The following TMEM65 variants were observed in gnomAD, a reference collection of about 807,000 sequenced individuals.
TMEM65 encodes the protein transmembrane protein 65.
In TMEM65, 22 loss-of-function variants were observed where a neutral mutation model predicts 25.4. That is an observed-to-expected ratio of 0.86 (90% CI 0.62 to 1.23). The LOEUF is 1.23. Among genes scored for constraint, TMEM65 ranks in the 50% most tolerant of loss-of-function variants. TMEM65 has a pLI of 0.00. For synonymous variants in TMEM65, 132 were observed against 126.2 expected, an observed-to-expected ratio of 1.05 and a Z score of -0.31; for missense variants, 262 against 308.2, an observed-to-expected ratio of 0.85 and a Z score of 1.12.
At chr8:124,333,489 G>GTGTC (rs1390185638) in intron 1 of TMEM65, among the ~76,000 whole-genome samples, 2 of 151,604 alleles carry the variant, frequency 1.3e-5, no homozygotes, top group African/African-American at 4.8e-5. Flanking sequence ...GTGTGTGTGT[G>GTGTC]TGTGTGTGTC....
chr8:124,347,216 A>T (rs984669618), intron 1 of TMEM65, among the ~76,000 whole-genome samples: 1 of 152,198 alleles, frequency 6.6e-6, no homozygotes, highest in African/African-American at 2.4e-5. Flanking sequence ...ATTTTAATTA[A>T]CCTGTCTTTT....
chr8:124,309,829 C>A lies in TMEM65; in HGVS notation c.*4131G>T, dbSNP rs111572680. ...ACTTTGGGAGGCCGAGACAGGTGGACCACCTGAGGTCAGGAGTCTGAGGCC... is the reference window on the plus strand; with the variant it reads ...ACTTTGGGAGGCCGAGACAGGTGGAACACCTGAGGTCAGGAGTCTGAGGCC... On this transcript the variant is annotated 3_prime_UTR_variant, in exon 7 of 7. Transcript: ENST00000297632. 3.3e-5 allele frequency: 5 copies of A among 152,068 alleles called. No homozygotes were observed. The highest frequency in any genetic ancestry group is 1.3e-4 in the Admixed American group (2 of 15,260). The allele number at this position is 152,068 out of a possible 1,614,324, so 9.4% of individuals were successfully genotyped here.
At chr8:124,324,558 G>A (rs1423932915) in intron 3 of TMEM65, among the ~76,000 whole-genome samples, 1 of 152,010 alleles carries the variant, frequency 6.6e-6, no homozygotes, top group Non-Finnish European at 1.5e-5. Context: ...CAAAAAAACT[G>A]GAGCACCAAT....
In TMEM65 at chr8:124,371,724, C is replaced by T. The variant is rs981700248; in HGVS notation, c.304+130G>A. 504 of 919,576 alleles carry T rather than the reference C, an allele frequency of 5.5e-4. 1 individual carries two copies. The highest frequency in any genetic ancestry group is 6.9e-4 in the Non-Finnish European group (461 of 666,096). The allele number at this position is 919,576 out of a possible 1,614,324, so 57.0% of individuals were successfully genotyped here. ...CAGCCGTCCCAGGCGTGGGGCCAGACAGGCGAGGGGGGCGGAAGGGGGGCG... is the reference window on the plus strand; with the variant it reads ...CAGCCGTCCCAGGCGTGGGGCCAGATAGGCGAGGGGGGCGGAAGGGGGGCG... On this transcript the variant is annotated intron_variant, in intron 1 of 6. Coordinates refer to ENST00000297632, the MANE Select transcript of TMEM65 (RefSeq NM_194291.3).
chr8:124,361,838 A>C (rs1052821442), intron 1 of TMEM65, among the ~76,000 whole-genome samples: 7 of 152,032 alleles, frequency 4.6e-5, no homozygotes, highest in African/African-American at 1.7e-4. Context: ...TCCATCTCAA[A>C]AAAATAAAAA....
chr8:124,328,720 G>A, intron 2 of TMEM65, among the ~76,000 whole-genome samples: 1 of 152,094 alleles, frequency 6.6e-6, no homozygotes, highest in East Asian at 1.9e-4. Context: ...ACATTAAAAT[G>A]CTGAGTTTTG....
At chr8:124,369,347 T>C (rs1418999003) in intron 1 of TMEM65, among the ~76,000 whole-genome samples, 2 of 152,162 alleles carry the variant, frequency 1.3e-5, no homozygotes, top group Non-Finnish European at 2.9e-5. Flanking sequence ...CTGATAAACA[T>C]ATAAGAAAGA....
At chr8:124,329,454 A>G (rs1814406089) in intron 2 of TMEM65, among the ~76,000 whole-genome samples, 1 of 151,978 alleles carries the variant, frequency 6.6e-6, no homozygotes, top group Admixed American at 6.6e-5. Flanking sequence ...TAGCATCTCT[A>G]AAACTGGCCA....
intron 1 of TMEM65, among the ~76,000 whole-genome samples, chr8:124,361,751 G>C (rs1377501604): frequency 1.3e-5 from 2 of 151,904 alleles, no homozygotes; most frequent in African/African-American, 4.8e-5. Context: ...CAGGAGAATT[G>C]CTTGAACCCG....
rs760131466 is a variant in TMEM65 at position 124,314,106 on chromosome 8, A to T, written c.622-45T>A. On this transcript the variant is annotated intron_variant, in intron 6 of 6. Transcript: ENST00000297632. ...CATTTTTAAAGTTACTTTATCTCTGATAACAAGAAGGCAGAGAAAAAATCT... is the reference window on the plus strand; with the variant it reads ...CATTTTTAAAGTTACTTTATCTCTGTTAACAAGAAGGCAGAGAAAAAATCT... 4 of 1,507,420 alleles carry T rather than the reference A, an allele frequency of 2.7e-6. No homozygotes were observed. In the East Asian group the frequency reaches 9.1e-5, roughly 34 times the overall value. 93.4% of individuals were successfully genotyped at this position (1,507,420 alleles called of 1,614,324 possible).
chr8:124,310,501 C>T lies in TMEM65; in HGVS notation c.*3459G>A, dbSNP rs1057324274. 4.6e-5 allele frequency: 7 copies of T among 152,086 alleles called. No individual in the cohort carries two copies. The highest frequency in any genetic ancestry group is 7.4e-5 in the Non-Finnish European group (5 of 68,016). The allele number at this position is 152,086 out of a possible 1,614,324, so 9.4% of individuals were successfully genotyped here. On this transcript the variant is annotated 3_prime_UTR_variant, in exon 7 of 7. Coordinates refer to ENST00000297632, the MANE Select transcript of TMEM65 (RefSeq NM_194291.3). ...AAAATAGGATTCCAGTCCACTTATTCGTAGTGGCAAACTAACCTCTTCATG... is the reference window on the plus strand; with the variant it reads ...AAAATAGGATTCCAGTCCACTTATTTGTAGTGGCAAACTAACCTCTTCATG...
chr8:124,317,987 T>A (rs908050350), intron 6 of TMEM65, among the ~76,000 whole-genome samples: 1 of 152,108 alleles, frequency 6.6e-6, no homozygotes, highest in African/African-American at 2.4e-5. Flanking sequence ...ACACTAACGA[T>A]AGCTGATAAG....
chr8:124,335,056 A>C lies in TMEM65; in HGVS notation c.305-4264T>G, dbSNP rs543856348. Reference sequence around the variant, plus strand: ...AACTCTTTGAATAAATAATGGCTACAAATTTCCCAAATTTAGTGCAAGACA... The same window carrying C: ...AACTCTTTGAATAAATAATGGCTACCAATTTCCCAAATTTAGTGCAAGACA... On this transcript the variant is annotated intron_variant, in intron 1 of 6. Transcript: ENST00000297632. Among the ~76,000 whole-genome samples, 5 of 152,294 alleles carry C rather than the reference A, an allele frequency of 3.3e-5. No individual in the cohort carries two copies. The East Asian group carries it at 9.6e-4, about 29-fold the overall frequency.
chr8:124,367,648 T>C (rs1387747769), intron 1 of TMEM65, among the ~76,000 whole-genome samples: 2 of 152,208 alleles, frequency 1.3e-5, no homozygotes, highest in East Asian at 3.8e-4. Flanking sequence ...TAGTATAAGC[T>C]CTTTATCTTT....
intron 6 of TMEM65, 75 bp from the exon 7 acceptor site, chr8:124,314,136 A>T: frequency 8.7e-7 from 1 of 1,144,052 alleles, no homozygotes; most frequent in South Asian, 1.3e-5. Context: ...AAATCTCACC[A>T]GCTCTTCTCA....
At chr8:124,358,829 C>T (rs1463935785) in intron 1 of TMEM65, among the ~76,000 whole-genome samples, 2 of 152,198 alleles carry the variant, frequency 1.3e-5, no homozygotes, top group Non-Finnish European at 2.9e-5. Flanking sequence ...GTGAGGTACC[C>T]ACAGGATCCA....
intron 1 of TMEM65, among the ~76,000 whole-genome samples, chr8:124,342,819 T>C (rs1369923887): frequency 6.6e-6 from 1 of 152,130 alleles, no homozygotes; most frequent in Non-Finnish European, 1.5e-5. Context: ...ATAATTCTGG[T>C]AAGATAATAA....
At chr8:124,343,874 G>A (rs1013704920) in intron 1 of TMEM65, among the ~76,000 whole-genome samples, 1 of 152,116 alleles carries the variant, frequency 6.6e-6, no homozygotes, top group African/African-American at 2.4e-5. Flanking sequence ...CTAACAGTAG[G>A]CAAAACCTAT....
At chr8:124,340,943 T>C (rs1037175695) in intron 1 of TMEM65, among the ~76,000 whole-genome samples, 6 of 152,108 alleles carry the variant, frequency 3.9e-5, no homozygotes, top group Non-Finnish European at 8.8e-5. Context: ...AACTGTGCTA[T>C]GAGAAAGTAC....
Sources: allele counts gnomAD v4.1 joint callset (sites outside exome capture counted in the v4.1 genomes callset), GRCh38; gene constraint gnomAD v4.1.1; transcripts MANE v1.5; gene names NCBI Gene and HGNC (gene_info 2026-07-23, HGNC 2026-07-21).